The following RABEP1 variants were observed in gnomAD, a reference collection of about 807,000 sequenced individuals.
RABEP1 encodes the protein rabaptin, RAB GTPase binding effector protein 1.
Under a neutral mutation model 123.4 loss-of-function variants are expected in RABEP1, and 51 were observed. That is an observed-to-expected ratio of 0.41 (90% CI 0.33 to 0.52). The LOEUF (loss-of-function observed/expected upper bound fraction) is 0.52. Ranked by LOEUF, RABEP1 falls within the 20% of genes least tolerant of loss-of-function variation. The probability of loss-of-function intolerance (pLI) is 0.16; values close to 1 mark genes in which losing one functional copy is unlikely to be tolerated. For missense variants in RABEP1, 888 were observed against 996.3 expected, an observed-to-expected ratio of 0.89 and a Z score of 1.46; for synonymous variants, 347 against 355.2, an observed-to-expected ratio of 0.98 and a Z score of 0.26.
chr17:5,293,142 C>T (rs2075048504), intron 1 of RABEP1, among the ~76,000 whole-genome samples: 1 of 152,010 alleles, frequency 6.6e-6, no homozygotes, highest in African/African-American at 2.4e-5. Flanking sequence ...CAAAAATTAG[C>T]TGGGTGTGGT....
intron 1 of RABEP1, among the ~76,000 whole-genome samples, chr17:5,304,231 C>G (rs1306149124): frequency 6.6e-6 from 1 of 151,860 alleles, no homozygotes; most frequent in Non-Finnish European, 1.5e-5. Context: ...CTATTTGAGA[C>G]ATTCTGAATT....
At chr17:5,356,852 C>T (rs897448813) in intron 8 of RABEP1, among the ~76,000 whole-genome samples, 2 of 148,648 alleles carry the variant, frequency 1.3e-5, no homozygotes, top group Admixed American at 6.8e-5. Context: ...CATGTTGCCC[C>T]GGCTGGAACA....
chr17:5,297,809 ATTCCAGAGCCTGTGCTC>A (rs1299560726), intron 1 of RABEP1, among the ~76,000 whole-genome samples: 1 of 152,232 alleles, frequency 6.6e-6, no homozygotes, highest in Non-Finnish European at 1.5e-5. Context: ...CCCTAGTTTA[ATTCCAGAGCCTGTGCTC>A]TCAGCTGTTA....
Position 5,361,575 on chromosome 17 carries a change from C to G in RABEP1, c.1463C>G (p.Ser488Cys), listed in dbSNP as rs776939752. ...ACACCAGAACAAGAAGAGACAGCGT[C>G]CCTCCTCTCCAGCGTTACCCAGGGC... Reference protein sequence around the residue: ...AMTPEQEETASLLSSVTQGME... With the variant: ...AMTPEQEETACLLSSVTQGME... Residue 488 changes from serine to cysteine, a missense_variant, in exon 9 of 18, where the codon TCC (serine) becomes TGC (cysteine). Ser to Cys is a moderately radical substitution (Grantham distance 112). Coordinates refer to ENST00000537505, the MANE Select transcript of RABEP1 (RefSeq NM_004703.6). 1 of 1,614,168 alleles carries G rather than the reference C, an allele frequency of 6.2e-7. No individual in the cohort carries two copies. Among genetic ancestry groups the G allele is most frequent in the Non-Finnish European group, 8.5e-7 (1 of 1,180,032 alleles).
chr17:5,349,436 G>T (rs1408125567), intron 6 of RABEP1, among the ~76,000 whole-genome samples: 1 of 152,188 alleles, frequency 6.6e-6, no homozygotes. Context: ...GAGTTGGCTT[G>T]GGTGGCTTGG....
chr17:5,328,601 G>A (rs540002189), intron 2 of RABEP1, among the ~76,000 whole-genome samples: 139 of 143,232 alleles, frequency 9.7e-4, no homozygotes, highest in African/African-American at 3.2e-3. Context: ...AGCTGAGGTC[G>A]CACCACTGCA....
At chr17:5,314,329 G>A (rs1237692912) in intron 2 of RABEP1, among the ~76,000 whole-genome samples, 3 of 122,920 alleles carry the variant, frequency 2.4e-5, no homozygotes, top group African/African-American at 6.0e-5. Context: ...TGCAGCCTCC[G>A]CCTCCCAGGT....
At chr17:5,338,191 C>A in intron 5 of RABEP1, 53 bp downstream of exon 5, 1 of 1,532,054 alleles carries the variant, frequency 6.5e-7, no homozygotes, top group East Asian at 2.3e-5. Context: ...TGCCCCAATG[C>A]CATGAACAAA....
chr17:5,296,277 G>A (rs956550807), intron 1 of RABEP1, among the ~76,000 whole-genome samples: 2 of 151,828 alleles, frequency 1.3e-5, no homozygotes, highest in Admixed American at 1.3e-4. Flanking sequence ...TTTTTTGTTT[G>A]TTTAAGGCAG....
chr17:5,314,234 CTTTTTTTT>C (rs71151864), intron 2 of RABEP1, among the ~76,000 whole-genome samples: 16 of 55,560 alleles, frequency 2.9e-4, no homozygotes, highest in South Asian at 1.8e-3. Context: ...AGTACCTATT[CTTTTTTTT>C]TTTTTTTTTT....
At chr17:5,376,246 A>G (rs1910983122) in intron 13 of RABEP1, among the ~76,000 whole-genome samples, 2 of 152,130 alleles carry the variant, frequency 1.3e-5, no homozygotes, top group South Asian at 2.1e-4. Context: ...GCTTGAGCCC[A>G]GGAGTTTGAG....
intron 11 of RABEP1, among the ~76,000 whole-genome samples, chr17:5,367,069 A>G (rs1597389106): frequency 6.6e-6 from 1 of 151,008 alleles, no homozygotes; most frequent in East Asian, 2.0e-4. Context: ...CGCCTGGGCA[A>G]CAAGAGTGAA....
At chr17:5,332,803 T>C (rs1317942446) in intron 3 of RABEP1, among the ~76,000 whole-genome samples, 1 of 151,984 alleles carries the variant, frequency 6.6e-6, no homozygotes, top group Admixed American at 6.6e-5. Flanking sequence ...AGACGGGATT[T>C]CGCCATGTTG....
In RABEP1 at chr17:5,354,507, A is replaced by T. The variant is rs751067937; in HGVS notation, c.1095+17A>T. ...AATGAAGAGGTATAGTGAGTCTATA[A>T]TTAAAGTCATTAAATACACAATGTC... is the stretch of plus-strand genomic sequence containing the variant. On this transcript the variant is annotated intron_variant, in intron 8 of 17. Transcript: ENST00000537505. The T allele has an allele frequency of 3.8e-6, 6 of 1,583,796 alleles. No homozygotes were observed. In the African/African-American group the frequency reaches 8.2e-5, roughly 22 times the overall value.
rs1416692477 is a variant in RABEP1, at chr17:5,384,241, T to C, written c.*1018T>C. The C allele has an allele frequency of 9.3e-6, 2 of 214,594 alleles. No homozygotes were observed. Among genetic ancestry groups the C allele is most frequent in the Middle Eastern group, 1.4e-3 (1 of 698 alleles). The allele number at this position is 214,594 out of a possible 1,614,324, so 13.3% of individuals were successfully genotyped here. Reference sequence around the variant, plus strand: ...CTTATGGAAAGCCAGTTAGTTAGAATTGGAAATCTGTCTTGTCATTTTACA... The same window carrying C: ...CTTATGGAAAGCCAGTTAGTTAGAACTGGAAATCTGTCTTGTCATTTTACA... On this transcript the variant is annotated 3_prime_UTR_variant, in exon 18 of 18. Coordinates refer to ENST00000537505, the MANE Select transcript of RABEP1 (RefSeq NM_004703.6).
intron 16 of RABEP1, among the ~76,000 whole-genome samples, chr17:5,381,126 C>G (rs1911413726): frequency 6.6e-6 from 1 of 152,148 alleles, no homozygotes. Context: ...GTCACTGTCA[C>G]CAGCTGCTGG....
chr17:5,335,795 C>T (rs1160649661), intron 4 of RABEP1, among the ~76,000 whole-genome samples: 1 of 151,784 alleles, frequency 6.6e-6, no homozygotes. Context: ...TTAATAGCTT[C>T]AGGGGTACAT....
intron 2 of RABEP1, among the ~76,000 whole-genome samples, chr17:5,316,630 C>T (rs2075299147): frequency 6.6e-6 from 1 of 151,132 alleles, no homozygotes; most frequent in African/African-American, 2.4e-5. Flanking sequence ...GTCAGGAGTT[C>T]AAGATCAGCC....
intron 3 of RABEP1, among the ~76,000 whole-genome samples, chr17:5,332,547 C>A (rs1223995659): frequency 6.6e-6 from 1 of 150,830 alleles, no homozygotes. Context: ...CATTGATGAG[C>A]TTCAGCTAAT....
Sources: gnomAD v4.1 joint callset for allele counts (sites outside exome capture counted in the v4.1 genomes callset) on GRCh38, gnomAD v4.1.1 for gene constraint, MANE v1.5 for transcripts, NCBI Gene and HGNC (gene_info 2026-07-23, HGNC 2026-07-21) for gene names.